SLC5A4: variants seen among roughly 807,000 people sequenced by gnomAD.
SLC5A4 encodes probable glucose sensor protein SLC5A4.
A neutral mutation model predicts 70.3 loss-of-function variants in SLC5A4; 55 were observed. That is an observed-to-expected ratio of 0.78 (90% CI 0.63 to 0.98). SLC5A4 has a LOEUF of 0.98. SLC5A4 is among the 50% of genes least tolerant of loss of function. The pLI, the probability that SLC5A4 is intolerant of heterozygous loss-of-function variation, is 0.00. For synonymous variants in SLC5A4, 268 were observed against 305.7 expected (o/e 0.88, Z 1.29); for missense variants, 735 against 839.2 (o/e 0.88, Z 1.53).
At position 32,237,497 on chromosome 22, in the gene SLC5A4, T is replaced by G. The variant is rs545660308; in HGVS notation, c.584-173A>C. ...GGCATCATGATCTCCTCAGCACTGGTTTTCCTACTTCCCTTGCCTTGCCCT... is the reference window on the plus strand; with the variant it reads ...GGCATCATGATCTCCTCAGCACTGGGTTTCCTACTTCCCTTGCCTTGCCCT... On this transcript the variant is annotated intron_variant, in intron 6 of 14. Transcript: ENST00000266086. Among the ~76,000 whole-genome samples, 46 of 152,282 alleles carry G rather than the reference T, an allele frequency of 3.0e-4. No individual in the cohort carries two copies. In the Middle Eastern group the frequency reaches 0.01, roughly 34 times the overall value.
rs148396099 is a variant in SLC5A4, at chr22:32,224,359, G to A, written c.1573C>T (p.His525Tyr). The A allele has an allele frequency of 3.2e-5, 52 of 1,613,826 alleles. No homozygotes were observed. In the Middle Eastern group the frequency reaches 1.2e-3, roughly 36 times the overall value. ...AGAACGATGGAAAAGTACAGATAGT[G>A]CACTCCACAGATAATCTTGGGACAG... ...SNCPKIICGV[H>Y]YLYFSIVLFF... Residue 525 changes from histidine (H) to tyrosine (Y), a missense_variant, in exon 13 of 15, where the codon CAC becomes TAC. By Grantham distance (83) the His-to-Tyr change is moderately conservative (BLOSUM62 2). Coordinates refer to ENST00000266086, the MANE Select transcript of SLC5A4 (RefSeq NM_014227.3).
chr22:32,354,025 G>A, the SLC5A4 span, among the ~76,000 whole-genome samples: 4 of 149,748 alleles, frequency 2.7e-5, no homozygotes, highest in African/African-American at 9.9e-5. Flanking sequence ...GCGCGGGCAA[G>A]GTAGCCCCCG....
At chr22:32,294,377 T>G in the SLC5A4 span, among the ~76,000 whole-genome samples, 1 of 148,306 alleles carries the variant, frequency 6.7e-6, no homozygotes. Context: ...CATATGCACA[T>G]GCAATTGTGA....
chr22:32,338,400 G>A, the SLC5A4 span, among the ~76,000 whole-genome samples: 1 of 150,482 alleles, frequency 6.6e-6, no homozygotes, highest in Non-Finnish European at 1.5e-5. Flanking sequence ...TGTAGTTCTA[G>A]CACTTTGGGA....
chr22:32,271,247 G>C, the SLC5A4 span: 9 of 792,144 alleles, frequency 1.1e-5, no homozygotes, highest in East Asian at 2.6e-4. Context: ...GTGGGGCAGC[G>C]GGTCCTCATG....
chr22:32,303,485 C>T, the SLC5A4 span, among the ~76,000 whole-genome samples: 1 of 152,196 alleles, frequency 6.6e-6, no homozygotes, highest in African/African-American at 2.4e-5. Flanking sequence ...TCAGACATGG[C>T]ATTTGTCTCA....
the SLC5A4 span, chr22:32,272,829 C>G: frequency 2.0e-6 from 1 of 512,758 alleles, no homozygotes. Flanking sequence ...ATGGTGGCAT[C>G]GGGCTGCTGC....
chr22:32,236,001 G>A (rs141151229), intron 7 of SLC5A4, among the ~76,000 whole-genome samples: 3 of 152,258 alleles, frequency 2.0e-5, no homozygotes, highest in African/African-American at 7.2e-5. Flanking sequence ...GAGACCCTAA[G>A]AGATGAGAGT....
chr22:32,221,630 T>G (rs1259244118), intron 13 of SLC5A4, among the ~76,000 whole-genome samples: 1 of 152,246 alleles, frequency 6.6e-6, no homozygotes, highest in Non-Finnish European at 1.5e-5. Flanking sequence ...GTCTGTATGT[T>G]GATTTAAGCA....
chr22:32,328,347 G>A, the SLC5A4 span, among the ~76,000 whole-genome samples: 3 of 152,116 alleles, frequency 2.0e-5, no homozygotes, highest in African/African-American at 7.2e-5. Context: ...AGAGCCAAGT[G>A]GCTCGCTTGT....
the SLC5A4 span, among the ~76,000 whole-genome samples, chr22:32,290,398 C>T: frequency 6.6e-5 from 10 of 152,198 alleles, no homozygotes; most frequent in Admixed American, 3.9e-4. Context: ...CCAGCTTCAT[C>T]CTTGTCCCTG....
At chr22:32,333,284 G>GGCA in the SLC5A4 span, among the ~76,000 whole-genome samples, 20 of 151,940 alleles carry the variant, frequency 1.3e-4, no homozygotes, top group African/African-American at 4.8e-4. Flanking sequence ...GCTGGAAGTG[G>GGCA]GCAGCAGGCA....
chr22:32,261,309 C>T, the SLC5A4 span, among the ~76,000 whole-genome samples: 1 of 152,204 alleles, frequency 6.6e-6, no homozygotes, highest in African/African-American at 2.4e-5. Flanking sequence ...CACTCCTTAC[C>T]CTTTGAAAGT....
At chr22:32,313,823 G>C in the SLC5A4 span, among the ~76,000 whole-genome samples, 1 of 49,438 alleles carries the variant, frequency 2.0e-5, no homozygotes, top group Non-Finnish European at 4.0e-5. Context: ...ATAAATCCAG[G>C]GGAAGATGAA....
chr22:32,291,137 AT>A, the SLC5A4 span, among the ~76,000 whole-genome samples: 3 of 127,620 alleles, frequency 2.4e-5, no homozygotes, highest in East Asian at 7.5e-4. Flanking sequence ...TGTTATGTTT[AT>A]TTTCTTTTTC....
At chr22:32,334,592 C>G in the SLC5A4 span, among the ~76,000 whole-genome samples, 6 of 152,318 alleles carry the variant, frequency 3.9e-5, no homozygotes, top group South Asian at 6.2e-4. Flanking sequence ...ACCAAGTCCC[C>G]GTGCTTCGCT....
chr22:32,278,880 C>G, the SLC5A4 span, among the ~76,000 whole-genome samples: 9 of 152,172 alleles, frequency 5.9e-5, no homozygotes, highest in Non-Finnish European at 1.3e-4. Flanking sequence ...ACAGTTCTTA[C>G]AGAGAAGAAA....
chr22:32,304,426 G>C, the SLC5A4 span, among the ~76,000 whole-genome samples: 1 of 145,062 alleles, frequency 6.9e-6, no homozygotes, highest in African/African-American at 2.6e-5. Context: ...ACAGGCGTGA[G>C]CTACCATGCC....
At chr22:32,340,738 C>T in the SLC5A4 span, among the ~76,000 whole-genome samples, 1 of 151,904 alleles carries the variant, frequency 6.6e-6, no homozygotes, top group African/African-American at 2.4e-5. Flanking sequence ...GTGCCAGTGT[C>T]GGGAGATGAG....
Sources: allele counts gnomAD v4.1 joint callset (sites outside exome capture counted in the v4.1 genomes callset), GRCh38; gene constraint gnomAD v4.1.1; transcripts MANE v1.5; gene names NCBI Gene and HGNC (gene_info 2026-07-23, HGNC 2026-07-21).